The following CIMAP1C variants were observed in gnomAD, a reference collection of about 807,000 sequenced individuals.
CIMAP1C encodes the protein outer dense fiber of sperm tails 3 like 1.
chr15:75,724,143 C>G, the CIMAP1C span: 1 of 1,182,310 alleles, frequency 8.5e-7, no homozygotes, highest in Non-Finnish European at 1.3e-6. Context: ...ACTCTAGCCC[C>G]TTGACTGCTG....
the CIMAP1C span, chr15:75,726,039 C>T: frequency 1.3e-6 from 2 of 1,577,116 alleles, no homozygotes; most frequent in African/African-American, 1.3e-5. Context: ...ACCAGGCCCT[C>T]TCCTTGGTTG....
chr15:75,725,933 G>A, the CIMAP1C span: 1 of 625,328 alleles, frequency 1.6e-6, no homozygotes, highest in Non-Finnish European at 2.9e-6. Flanking sequence ...AGGAAATCAA[G>A]GGTCCCCAAA....
chr15:75,726,124 T>C, the CIMAP1C span: 7 of 1,612,068 alleles, frequency 4.3e-6, no homozygotes, highest in East Asian at 2.2e-5. Flanking sequence ...CGGTTTGGAA[T>C]GTCCAGCTGC....
the CIMAP1C span, chr15:75,725,277 G>A: frequency 8.1e-7 from 1 of 1,236,144 alleles, no homozygotes; most frequent in South Asian, 1.2e-5. Flanking sequence ...GAGGTTGAGG[G>A]GAGAGACATG....
chr15:75,724,238 T>C, the CIMAP1C span: 1 of 1,614,158 alleles, frequency 6.2e-7, no homozygotes, highest in African/African-American at 1.3e-5. Context: ...CTGTGTACTT[T>C]GCACAGCACC....
chr15:75,724,217 G>T, the CIMAP1C span: 6 of 1,613,970 alleles, frequency 3.7e-6, no homozygotes, highest in Admixed American at 1.7e-5. Context: ...TGCCCAAGGG[G>T]ACCAGGAGCT....
chr15:75,724,818 C>T, the CIMAP1C span, among the ~76,000 whole-genome samples: 2 of 152,180 alleles, frequency 1.3e-5, no homozygotes, highest in Non-Finnish European at 2.9e-5. Flanking sequence ...AGAGGCTTAA[C>T]GGAAATAATC....
At chr15:75,726,379 G>A in the CIMAP1C span, among the ~76,000 whole-genome samples, 1 of 152,184 alleles carries the variant, frequency 6.6e-6, no homozygotes, top group Admixed American at 6.5e-5. Context: ...ACCAGGTGAC[G>A]TTATGATGAC....
the CIMAP1C span, chr15:75,727,162 C>G: frequency 6.2e-7 from 1 of 1,614,138 alleles, no homozygotes; most frequent in Non-Finnish European, 8.5e-7. Context: ...GGCGCCCATA[C>G]AGAGTGATGG....
At chr15:75,725,697 A>G in the CIMAP1C span, among the ~76,000 whole-genome samples, 1 of 152,156 alleles carries the variant, frequency 6.6e-6, no homozygotes, top group African/African-American at 2.4e-5. Flanking sequence ...GGTGCCTGTC[A>G]GGCCTTTCCC....
the CIMAP1C span, among the ~76,000 whole-genome samples, chr15:75,726,418 G>A: frequency 2.8e-4 from 42 of 152,296 alleles, no homozygotes; most frequent in Non-Finnish European, 4.9e-4. Context: ...ATGCAATATT[G>A]TCATGCGAAC....
the CIMAP1C span, chr15:75,727,124 A>G: frequency 6.2e-7 from 1 of 1,613,956 alleles, no homozygotes; most frequent in African/African-American, 1.3e-5. Context: ...GGGGGAACGC[A>G]GGGCTCCCCA....
At chr15:75,726,280 C>A in the CIMAP1C span, 1 of 679,868 alleles carries the variant, frequency 1.5e-6, no homozygotes, top group Non-Finnish European at 2.6e-6. Context: ...TTGGAAATGT[C>A]TGGATGCCGG....
At chr15:75,726,015 A>G in the CIMAP1C span, 2 of 1,373,004 alleles carry the variant, frequency 1.5e-6, no homozygotes, top group Non-Finnish European at 2.1e-6. Flanking sequence ...TCAGTGGGGC[A>G]GCCTTTGGGG....
chr15:75,727,131 C>T, the CIMAP1C span: 2 of 1,614,048 alleles, frequency 1.2e-6, no homozygotes, highest in Non-Finnish European at 1.7e-6. Context: ...CGCAGGGCTC[C>T]CCAGTACACG....
the CIMAP1C span, chr15:75,725,273 G>A: frequency 7.6e-5 from 100 of 1,308,520 alleles, no homozygotes; most frequent in African/African-American, 1.4e-3. Context: ...GTTGGAGGTT[G>A]AGGGGAGAGA....
chr15:75,726,043 T>G, the CIMAP1C span: 1 of 1,586,468 alleles, frequency 6.3e-7, no homozygotes, highest in Admixed American at 1.7e-5. Context: ...GGCCCTCTCC[T>G]TGGTTGCCCT....
chr15:75,724,270 C>T, the CIMAP1C span: 9 of 1,614,074 alleles, frequency 5.6e-6, no homozygotes, highest in Non-Finnish European at 7.6e-6. Context: ...CCATTGCCCT[C>T]AAGGCAGGAG....
the CIMAP1C span, chr15:75,725,113 G>A: frequency 6.2e-7 from 1 of 1,613,264 alleles, no homozygotes; most frequent in Admixed American, 1.7e-5. Context: ...TACAGGTCCG[G>A]GGCCCGCCAA....
Sources: gnomAD v4.1 joint callset for allele counts (sites outside exome capture counted in the v4.1 genomes callset) on GRCh38, gnomAD v4.1.1 for gene constraint, MANE v1.5 for transcripts, NCBI Gene and HGNC (gene_info 2026-07-23, HGNC 2026-07-21) for gene names.